Variants in IGSF11 observed in about 807,000 individuals in gnomAD.
IGSF11 encodes CXADR like 1.
IGSF11 carries 22 observed loss-of-function variants against 41.0 expected under a neutral mutation model. The ratio of observed to expected loss-of-function variants is 0.54; its 90% CI spans 0.38 to 0.77. The LOEUF is 0.77. Ranked by LOEUF, IGSF11 falls within the 30% of genes least tolerant of loss-of-function variation. The pLI, the probability that IGSF11 is intolerant of heterozygous loss-of-function variation, is 0.00. For missense variants in IGSF11, 444 were observed against 530.8 expected, an observed-to-expected ratio of 0.84 and a Z score of 1.61; for synonymous variants, 219 against 201.3, an observed-to-expected ratio of 1.09 and a Z score of -0.74.
At position 118,902,776 on chromosome 3, in the gene IGSF11, A is replaced by C; in HGVS notation, c.1040T>G (p.Phe347Cys). ...TGGTATGTTGGCATTGCCTGAGTGG[A>C]AAGAGAAAGATTGGCCCAAGTCACT... is the stretch of plus-strand genomic sequence containing the variant. Reference protein sequence around the residue: ...HFSDLGQSFSFHSGNANIPSI... With the variant: ...HFSDLGQSFSCHSGNANIPSI... The change falls in exon 7 of 7, where the codon TTC becomes TGC. Residue 347 changes from phenylalanine to cysteine, a missense_variant. By Grantham distance (205) the Phe-to-Cys change is radical. Around this residue, in one of 3 missense-constraint regions of IGSF11, gnomAD observed 223 missense variants for 226.2 expected, o/e 0.99. Coordinates refer to ENST00000393775, the MANE Select transcript of IGSF11 (RefSeq NM_001015887.3). The C allele has an allele frequency of 1.2e-6, 2 of 1,614,198 alleles. No individual in the cohort carries two copies. The highest frequency in any genetic ancestry group is 1.3e-5 in the African/African-American group (1 of 75,040).
upstream of IGSF11, chr3:119,034,953 TC>T: frequency 1.7e-6 from 1 of 590,590 alleles, no homozygotes; most frequent in Non-Finnish European, 2.2e-6. Flanking sequence ...CCGCTTGGTC[TC>T]CAGGGCAACC....
chr3:118,966,249 T>C (rs1035184925), intron 1 of IGSF11, among the ~76,000 whole-genome samples: 3 of 152,198 alleles, frequency 2.0e-5, no homozygotes, highest in East Asian at 3.8e-4. Context: ...TTCACATGTA[T>C]TGTGATCTTC....
At chr3:118,956,223 T>C (rs1462578838) in intron 1 of IGSF11, among the ~76,000 whole-genome samples, 1 of 152,210 alleles carries the variant, frequency 6.6e-6, no homozygotes, top group Admixed American at 6.5e-5. Flanking sequence ...TTTTATCTTT[T>C]ATCCAGACCA....
chr3:119,018,950 T>C lies in IGSF11; in HGVS notation c.52+15581A>G, dbSNP rs562096071. Among the ~76,000 whole-genome samples, 7 of 152,366 alleles carry C rather than the reference T, an allele frequency of 4.6e-5. No individual in the cohort carries two copies. In the South Asian group the frequency reaches 6.2e-4, roughly 14 times the overall value. ...ACTATTCAACTCCAGTGTTCCAAGC[T>C]GTTTAACCACATTCAGTTTACTGTG... On this transcript the variant is annotated intron_variant, in intron 1 of 6. Transcript: ENST00000393775.
At chr3:119,064,261 G>A (rs1942148542) in intron 1 of IGSF11, among the ~76,000 whole-genome samples, 1 of 152,174 alleles carries the variant, frequency 6.6e-6, no homozygotes, top group Non-Finnish European at 1.5e-5. Context: ...GGTAGGAATA[G>A]CCAAAATATT....
At chr3:118,904,584 AC>A in intron 6 of IGSF11, 63 bp downstream of exon 6, 1 of 1,185,282 alleles carries the variant, frequency 8.4e-7, no homozygotes, top group Non-Finnish European at 1.2e-6. Flanking sequence ...ATCTTAACTG[AC>A]ACAAATGAAT....
chr3:118,930,969 A>G (rs1353801884), intron 1 of IGSF11, among the ~76,000 whole-genome samples: 1 of 152,226 alleles, frequency 6.6e-6, no homozygotes, highest in East Asian at 1.9e-4. Context: ...ACCCAATTTT[A>G]AAACTTGCTA....
intron 1 of IGSF11, among the ~76,000 whole-genome samples, chr3:119,132,311 C>G (rs1256693908): frequency 7.2e-6 from 1 of 139,570 alleles, no homozygotes; most frequent in Non-Finnish European, 1.5e-5. Flanking sequence ...AGACCCATCT[C>G]ACATGCAGAG....
rs935834387 is a variant in IGSF11, at chr3:119,042,375, C to A, written c.49+62769G>T. Among the ~76,000 whole-genome samples the A allele has an allele frequency of 4.1e-4, 62 of 152,220 alleles. 1 individual carries two copies. The highest frequency in any genetic ancestry group is 3.1e-3 in the Admixed American group (48 of 15,290). On this transcript the variant is annotated intron_variant, in intron 1 of 6. Transcript: ENST00000354673. The stretch of plus-strand genomic sequence containing the variant: ...CAGCAGGGAGGGTTGTAGCCTTGGG[C>A]AAGATCTAAGCCCTGATTGCAGGCT...
chr3:118,940,039 A>G (rs577542781), intron 1 of IGSF11, among the ~76,000 whole-genome samples: 1 of 152,358 alleles, frequency 6.6e-6, no homozygotes, highest in East Asian at 1.9e-4. Context: ...TCCTACAGAC[A>G]TTAAAAGAAG....
chr3:118,947,876 C>A (rs1157308852), intron 1 of IGSF11: 1 of 152,210 alleles, frequency 6.6e-6, no homozygotes, highest in Non-Finnish European at 1.5e-5. Context: ...GCTTCTTCTG[C>A]TCCAACTTTT....
In IGSF11 at chr3:118,940,847, AG is replaced by A. The variant is rs573881044; in HGVS notation, c.53-10573del. Among the ~76,000 whole-genome samples the A allele has an allele frequency of 9.1e-3, 1,371 of 149,844 alleles. 33 individuals carry two copies. Among genetic ancestry groups the A allele is most frequent in the African/African-American group, 0.032 (1,305 of 41,102 alleles). On this transcript the variant is annotated intron_variant, in intron 1 of 6. Transcript: ENST00000393775. ...TCCAACAAAGTTGTCAAAGCCATTC[AG>A]GGGGAAAAGTTTACTCTTTTTGAAA...
At chr3:119,134,777 TG>T (rs1159937633) in intron 1 of IGSF11, among the ~76,000 whole-genome samples, 3 of 152,232 alleles carry the variant, frequency 2.0e-5, no homozygotes, top group Non-Finnish European at 2.9e-5. Context: ...AGAACAAAGC[TG>T]GAGGCATCAC....
chr3:118,939,201 T>A (rs555074864), intron 1 of IGSF11, among the ~76,000 whole-genome samples: 5 of 152,206 alleles, frequency 3.3e-5, no homozygotes, highest in Admixed American at 6.5e-5. Flanking sequence ...AATTTTTAAA[T>A]AATTAAAGTT....
chr3:119,126,027 G>A (rs532500697), intron 1 of IGSF11, among the ~76,000 whole-genome samples: 1 of 152,238 alleles, frequency 6.6e-6, no homozygotes, highest in African/African-American at 2.4e-5. Context: ...GGGGAGGGGC[G>A]ACCAGCACCG....
At chr3:119,126,491 C>A (rs900243436) in intron 1 of IGSF11, among the ~76,000 whole-genome samples, 1 of 152,224 alleles carries the variant, frequency 6.6e-6, no homozygotes, top group Non-Finnish European at 1.5e-5. Flanking sequence ...GGTTTCCCCC[C>A]ACAAAACACA....
chr3:118,916,186 A>G (rs1941066470), intron 4 of IGSF11, among the ~76,000 whole-genome samples: 1 of 151,072 alleles, frequency 6.6e-6, no homozygotes, highest in South Asian at 2.1e-4. Flanking sequence ...GACTAGGAAG[A>G]AACTGCATCA....
chr3:119,079,216 G>A (rs751890233), intron 1 of IGSF11, among the ~76,000 whole-genome samples: 11 of 152,042 alleles, frequency 7.2e-5, no homozygotes, highest in Non-Finnish European at 1.0e-4. Context: ...AAAATTAGCC[G>A]GGTGTGGTGG....
At chr3:119,136,446 G>A (rs2077563084) in intron 1 of IGSF11, among the ~76,000 whole-genome samples, 1 of 152,066 alleles carries the variant, frequency 6.6e-6, no homozygotes, top group South Asian at 2.1e-4. Context: ...CACCTATGAA[G>A]GCACACATAG....
Sources: allele counts gnomAD v4.1 joint callset (sites outside exome capture counted in the v4.1 genomes callset), GRCh38; gene constraint gnomAD v4.1.1; regional missense constraint gnomAD v4.1.1; transcripts MANE v1.5; gene names NCBI Gene and HGNC (gene_info 2026-07-23, HGNC 2026-07-21).